Variants in RAB38 observed in about 807,000 individuals in gnomAD.
RAB38 encodes RAB38, member RAS oncogene family.
A neutral mutation model predicts 18.4 loss-of-function variants in RAB38; 15 were observed. The ratio of observed to expected loss-of-function variants is 0.82; its 90% CI spans 0.55 to 1.26. The LOEUF (loss-of-function observed/expected upper bound fraction) is 1.26. Ranked by LOEUF, RAB38 falls within the 50% of genes most tolerant of loss-of-function variation. The probability of loss-of-function intolerance (pLI) is 0.00; values close to 1 mark genes in which losing one functional copy is unlikely to be tolerated. For missense variants in RAB38, 294 were observed against 267.4 expected (o/e 1.10, Z -0.69); for synonymous variants, 101 against 104.4 (o/e 0.97, Z 0.20).
the RAB38 span, among the ~76,000 whole-genome samples, chr11:87,927,875 T>G: frequency 6.6e-6 from 1 of 151,958 alleles, no homozygotes; most frequent in Non-Finnish European, 1.5e-5. Context: ...CAGACCGGCC[T>G]GGGCAACATA....
intron 2 of RAB38, among the ~76,000 whole-genome samples, chr11:88,140,535 G>A (rs1942898194): frequency 6.6e-6 from 1 of 152,200 alleles, no homozygotes; most frequent in Admixed American, 6.5e-5. Flanking sequence ...ATGCAGTGCA[G>A]GGACCAGCCC....
chr11:88,112,015 G>A (rs1016934195), downstream of RAB38, among the ~76,000 whole-genome samples: 2 of 152,114 alleles, frequency 1.3e-5, no homozygotes, highest in Admixed American at 6.6e-5. Context: ...CATTCCAATA[G>A]CATATTAGAA....
At chr11:87,943,692 A>G in the RAB38 span, among the ~76,000 whole-genome samples, 1 of 152,154 alleles carries the variant, frequency 6.6e-6, no homozygotes, top group Non-Finnish European at 1.5e-5. Flanking sequence ...GATTTTATTT[A>G]GAGAGGTCTT....
chr11:88,056,655 T>A, the RAB38 span, among the ~76,000 whole-genome samples: 157 of 151,870 alleles, frequency 1.0e-3, 4 homozygotes, highest in East Asian at 0.024. Context: ...ACACAAAAAA[T>A]TAGACGAGCG....
chr11:88,074,189 A>T, the RAB38 span, among the ~76,000 whole-genome samples: 3 of 152,282 alleles, frequency 2.0e-5, no homozygotes, highest in East Asian at 5.8e-4. Flanking sequence ...CTAAAAGGAG[A>T]TAAAATTCTG....
the RAB38 span, among the ~76,000 whole-genome samples, chr11:88,028,273 T>C: frequency 1.3e-5 from 2 of 151,760 alleles, no homozygotes; most frequent in Non-Finnish European, 2.9e-5. Flanking sequence ...ACCACAAAGA[T>C]GGGGAAAAAA....
At chr11:88,100,081 C>T in the RAB38 span, 1 of 151,832 alleles carries the variant, frequency 6.6e-6, no homozygotes, top group Admixed American at 6.6e-5. Flanking sequence ...CCTCCCTTCT[C>T]ACTAGTGCAC....
At chr11:87,846,428 A>G in the RAB38 span, among the ~76,000 whole-genome samples, 1 of 152,118 alleles carries the variant, frequency 6.6e-6, no homozygotes, top group Non-Finnish European at 1.5e-5. Context: ...AATAGTAAGC[A>G]TAAGAAGGCT....
At chr11:88,157,752 TA>T (rs1305435524) in intron 1 of RAB38, among the ~76,000 whole-genome samples, 1 of 152,094 alleles carries the variant, frequency 6.6e-6, no homozygotes, top group East Asian at 1.9e-4. Context: ...GGATAAACAA[TA>T]AAATAAAGGA....
chr11:88,141,319 T>C (rs1216452360), intron 2 of RAB38, among the ~76,000 whole-genome samples: 1 of 152,084 alleles, frequency 6.6e-6, no homozygotes, highest in Non-Finnish European at 1.5e-5. Context: ...GATTGGGGTG[T>C]TGGGTGCTAC....
chr11:88,077,365 A>T, the RAB38 span, among the ~76,000 whole-genome samples: 1 of 152,174 alleles, frequency 6.6e-6, no homozygotes, highest in Admixed American at 6.5e-5. Context: ...AAAAAAAACA[A>T]CAAAGCTGGA....
the RAB38 span, among the ~76,000 whole-genome samples, chr11:87,903,814 T>G: frequency 6.6e-6 from 1 of 151,562 alleles, no homozygotes; most frequent in Non-Finnish European, 1.5e-5. Flanking sequence ...CTTATTAAGT[T>G]TATTCATATT....
chr11:88,138,039 A>G (rs1043089637), intron 2 of RAB38, among the ~76,000 whole-genome samples: 3 of 152,228 alleles, frequency 2.0e-5, no homozygotes, highest in African/African-American at 7.2e-5. Flanking sequence ...AAGCAGCAGC[A>G]GGAGGCTATG....
intron 1 of RAB38, chr11:88,165,937 G>A (rs1943238426): frequency 6.6e-6 from 1 of 151,914 alleles, no homozygotes. Flanking sequence ...TACAAACAAG[G>A]GAAAGAAAAG....
chr11:88,084,880 G>C, the RAB38 span, among the ~76,000 whole-genome samples: 2 of 151,876 alleles, frequency 1.3e-5, no homozygotes, highest in Non-Finnish European at 2.9e-5. Flanking sequence ...TAAAGTATTA[G>C]ATGAATAAGC....
the RAB38 span, among the ~76,000 whole-genome samples, chr11:87,878,247 C>A: frequency 1.5e-3 from 108 of 73,558 alleles, 1 homozygote; most frequent in South Asian, 0.016. Flanking sequence ...ACACACACAC[C>A]TATCATCTAT....
the RAB38 span, among the ~76,000 whole-genome samples, chr11:88,030,668 T>G: frequency 6.6e-6 from 1 of 151,974 alleles, no homozygotes; most frequent in Non-Finnish European, 1.5e-5. Context: ...CTCTCCCAAG[T>G]CTAAACCAGG....
At chr11:88,173,809 C>T in intron 1 of RAB38, 1 of 985,388 alleles carries the variant, frequency 1.0e-6, no homozygotes, top group Non-Finnish European at 1.2e-6. Flanking sequence ...AAGATGACTC[C>T]AAATGCATGA....
chr11:87,899,800 G>A, the RAB38 span, among the ~76,000 whole-genome samples: 45,175 of 151,470 alleles, frequency 0.3, 8,563 homozygotes, highest in African/African-American at 0.55. Context: ...ACAACTGCCA[G>A]AAGTCATGGA....
Sources: gnomAD v4.1 joint callset for allele counts (sites outside exome capture counted in the v4.1 genomes callset) on GRCh38, gnomAD v4.1.1 for gene constraint, MANE v1.5 for transcripts, NCBI Gene and HGNC (gene_info 2026-07-23, HGNC 2026-07-21) for gene names.